The following FERMT3 variants were observed in gnomAD, a reference collection of about 807,000 sequenced individuals.
FERMT3 encodes the protein FERM domain containing kindlin 3, also known as fermitin family homolog 3.
A neutral mutation model predicts 80.8 loss-of-function variants in FERMT3; 33 were observed. That is an observed-to-expected ratio of 0.41 (90% CI 0.31 to 0.55). FERMT3 has a LOEUF of 0.55. Among genes scored for constraint, FERMT3 ranks in the 20% least tolerant of loss-of-function variants. The pLI, the probability that FERMT3 is intolerant of heterozygous loss-of-function variation, is 0.31. For missense variants in FERMT3, 754 were observed against 908.7 expected (o/e 0.83, Z 2.19); for synonymous variants, 375 against 372.2 (o/e 1.01, Z -0.09).
intron 6 of FERMT3, among the ~76,000 whole-genome samples, chr11:64,212,532 A>G (rs948987940): frequency 6.6e-6 from 1 of 152,272 alleles, no homozygotes; most frequent in East Asian, 1.9e-4. Flanking sequence ...TCTCCAGGCT[A>G]TCTGTTCCCT....
chr11:64,208,245 G>T (rs989776634), intron 2 of FERMT3, among the ~76,000 whole-genome samples: 8 of 152,184 alleles, frequency 5.3e-5, no homozygotes, highest in Admixed American at 4.6e-4. Context: ...GAGAGGATAG[G>T]GTCCAGAACG....
At position 64,219,172 on chromosome 11, in the gene FERMT3, G is replaced by T; in HGVS notation, c.787-79G>T. ...AGGGCAGGGCAGAGGGCCAAGGCTGGCAGGGGCTCAGTGCAGGGCGTCCAG... is the reference window on the plus strand; with the variant it reads ...AGGGCAGGGCAGAGGGCCAAGGCTGTCAGGGGCTCAGTGCAGGGCGTCCAG... On this transcript the variant is annotated intron_variant, in intron 6 of 14. Coordinates refer to ENST00000345728, the MANE Select transcript of FERMT3 (RefSeq NM_031471.6). This position sits in a 1 kb window ranked among gnomAD's most constrained non-coding sequence, Gnocchi z 4.0. The T allele has an allele frequency of 7.3e-7, 1 of 1,379,190 alleles. No individual in the cohort carries two copies. The highest frequency in any genetic ancestry group is 1.2e-5 in the South Asian group (1 of 80,436). The allele number at this position is 1,379,190 out of a possible 1,614,324, so 85.4% of individuals were successfully genotyped here.
In FERMT3 at chr11:64,219,857, G is replaced by A; in HGVS notation, c.1080-34G>A. ...GTCTGCATATGGAGGGAGGGGGTGA[G>A]GCGGCCTTTCACAAACCCCAGCATC... On this transcript the variant is annotated intron_variant, in intron 9 of 14. Coordinates refer to ENST00000345728, the MANE Select transcript of FERMT3 (RefSeq NM_031471.6). This position sits in a 1 kb window ranked among gnomAD's most constrained non-coding sequence, Gnocchi z 4.0. 6.2e-7 allele frequency: 1 copy of A among 1,613,840 alleles called. No homozygotes were observed. The highest frequency in any genetic ancestry group is 1.3e-5 in the African/African-American group (1 of 75,036).
chr11:64,214,869 C>G (rs1946518629), intron 6 of FERMT3, among the ~76,000 whole-genome samples: 1 of 149,284 alleles, frequency 6.7e-6, no homozygotes, highest in Admixed American at 6.7e-5. Flanking sequence ...ATGGCGTGAT[C>G]TCGGCCCACT....
intron 6 of FERMT3, among the ~76,000 whole-genome samples, chr11:64,216,603 T>C: frequency 6.7e-6 from 1 of 149,720 alleles, no homozygotes; most frequent in South Asian, 2.1e-4. Context: ...GAGACCATCC[T>C]GGCTAACACG....
chr11:64,205,969 A>G (rs1412475211), upstream of FERMT3, among the ~76,000 whole-genome samples: 7 of 152,200 alleles, frequency 4.6e-5, no homozygotes, highest in Non-Finnish European at 8.8e-5. Context: ...GCTCTACTGA[A>G]GTCCACATCC....
At chr11:64,221,188 C>A (rs1353100070) in intron 13 of FERMT3, 48 bp downstream of exon 13, 12 of 1,574,888 alleles carry the variant, frequency 7.6e-6, no homozygotes, top group African/African-American at 1.3e-5. Flanking sequence ...TCTGCCCTCA[C>A]CTGCCACCCG....
rs771280330 is a variant in FERMT3, at chr11:64,219,685, G to A, written c.1029+27G>A. On this transcript the variant is annotated intron_variant, in intron 8 of 14. Coordinates refer to ENST00000345728, the MANE Select transcript of FERMT3 (RefSeq NM_031471.6). The surrounding 1 kb of genome is among the most constrained non-coding windows in gnomAD (Gnocchi z 4.0). ...TGAGGAGGGGCTCAGGGCAGGGGCT[G>A]GGCAGGGAGAACTGTGAGGTACCGG... 1 of 1,613,872 alleles carries A rather than the reference G, an allele frequency of 6.2e-7. No individual in the cohort carries two copies. The highest frequency in any genetic ancestry group is 8.5e-7 in the Non-Finnish European group (1 of 1,179,986).
chr11:64,219,118 G>C lies in FERMT3; in HGVS notation c.787-133G>C. ...GGGTTGAGGTCTGTGGCCCATGTCTGGCCACTGAATGAATCTGCCTCAGCA... is the reference window on the plus strand; with the variant it reads ...GGGTTGAGGTCTGTGGCCCATGTCTCGCCACTGAATGAATCTGCCTCAGCA... On this transcript the variant is annotated intron_variant, in intron 6 of 14. Coordinates refer to ENST00000345728, the MANE Select transcript of FERMT3 (RefSeq NM_031471.6). This position sits in a 1 kb window ranked among gnomAD's most constrained non-coding sequence, Gnocchi z 4.0. The C allele has an allele frequency of 1.2e-6, 1 of 810,764 alleles. No homozygotes were observed. The highest frequency in any genetic ancestry group is 1.5e-5 in the South Asian group (1 of 64,556). 50.2% of individuals were successfully genotyped at this position (810,764 alleles called of 1,614,324 possible).
At chr11:64,217,196 T>G (rs1946570758) in intron 6 of FERMT3, among the ~76,000 whole-genome samples, 1 of 152,180 alleles carries the variant, frequency 6.6e-6, no homozygotes, top group African/African-American at 2.4e-5. Flanking sequence ...TGCCAATGTC[T>G]TGGGTGACAA....
At chr11:64,206,220 C>G (rs946314040), upstream of FERMT3, among the ~76,000 whole-genome samples, 10 of 152,156 alleles carry the variant, frequency 6.6e-5, no homozygotes, top group Non-Finnish European at 1.2e-4. Context: ...TGAAGGTAGC[C>G]CTACGCGGAG....
intron 10 of FERMT3, 74 bp from the exon 11 acceptor site, chr11:64,220,146 G>A: frequency 6.4e-7 from 1 of 1,569,932 alleles, no homozygotes; most frequent in Non-Finnish European, 8.8e-7. Flanking sequence ...GACGGTGTGG[G>A]CTAGGATGCA....
At chr11:64,217,812 C>T (rs1946582980) in intron 6 of FERMT3, among the ~76,000 whole-genome samples, 1 of 152,126 alleles carries the variant, frequency 6.6e-6, no homozygotes, top group Admixed American at 6.5e-5. Flanking sequence ...GCCAGGGGTC[C>T]GCCATGCAAA....
At chr11:64,212,280 G>A (rs1023267572) in intron 6 of FERMT3, among the ~76,000 whole-genome samples, 3 of 152,186 alleles carry the variant, frequency 2.0e-5, no homozygotes, top group Non-Finnish European at 2.9e-5. Context: ...TGTGCTTCGC[G>A]CACATCTCAA....
At chr11:64,220,774 G>A (rs946736266) in intron 12 of FERMT3, 105 bp downstream of exon 12, 4 of 1,298,990 alleles carry the variant, frequency 3.1e-6, no homozygotes, top group East Asian at 2.5e-5. Flanking sequence ...TACTCACTGG[G>A]CTTCTCCCAC....
At chr11:64,217,490 G>A (rs554184262) in intron 6 of FERMT3, among the ~76,000 whole-genome samples, 172 of 152,092 alleles carry the variant, frequency 1.1e-3, no homozygotes, top group Non-Finnish European at 2.0e-3. Context: ...CGGAGGTTGC[G>A]GTGAGCCAAG....
At chr11:64,207,234 C>A in intron 1 of FERMT3, 117 bp from the exon 2 acceptor site, 1 of 1,234,786 alleles carries the variant, frequency 8.1e-7, no homozygotes, top group Non-Finnish European at 1.2e-6. Flanking sequence ...CTCACTCCCG[C>A]CCTCCTTCAT....
chr11:64,217,249 T>G (rs959799827), intron 6 of FERMT3, among the ~76,000 whole-genome samples: 1 of 152,066 alleles, frequency 6.6e-6, no homozygotes, highest in African/African-American at 2.4e-5. Flanking sequence ...AATGCCAGCT[T>G]TCTTTAAATT....
rs1261288967 is a variant in FERMT3, at chr11:64,220,009, C to A, written c.1198C>A (p.Leu400Ile). Residue 400 changes from leucine to isoleucine, a missense_variant, in exon 10 of 15, where the codon CTC becomes ATC. Transcript: ENST00000345728. ...APGDPIQQLN[L>I]KGCEVVPDVN... ...TGGGGACCCCATTCAGCAGCTCAACCTCAAGGGTAAGTGCACAGGGCCAGG... is the reference window on the plus strand; with the variant it reads ...TGGGGACCCCATTCAGCAGCTCAACATCAAGGGTAAGTGCACAGGGCCAGG... 5.0e-6 allele frequency: 8 copies of A among 1,613,508 alleles called. No individual in the cohort carries two copies. The highest frequency in any genetic ancestry group is 1.6e-4 in the Middle Eastern group (1 of 6,082).
Sources: allele counts gnomAD v4.1 joint callset (sites outside exome capture counted in the v4.1 genomes callset), GRCh38; gene constraint gnomAD v4.1.1; non-coding constraint Gnocchi (gnomAD v3.1); transcripts MANE v1.5; gene names NCBI Gene and HGNC (gene_info 2026-07-23, HGNC 2026-07-21).